Variants in PTCHD4 observed in about 807,000 individuals in gnomAD.
PTCHD4 encodes patched domain containing 4, also known as patched domain-containing protein 4.
In PTCHD4, 33 loss-of-function variants were observed where a neutral mutation model predicts 58.1. The ratio of observed to expected loss-of-function variants is 0.57; its 90% CI spans 0.43 to 0.76. PTCHD4 has a LOEUF of 0.76. Among genes scored for constraint, PTCHD4 ranks in the 30% least tolerant of loss-of-function variants. The pLI is 0.00. For missense variants in PTCHD4, 1,058 were observed against 1,027.1 expected, an observed-to-expected ratio of 1.03 and a Z score of -0.41; for synonymous variants, 478 against 409.6, an observed-to-expected ratio of 1.17 and a Z score of -2.02.
At chr6:48,022,026 G>C (rs16876932) in intron 3 of PTCHD4, among the ~76,000 whole-genome samples, 9,057 of 151,996 alleles carry the variant, frequency 0.06, 299 homozygotes, top group Non-Finnish European at 0.065. Flanking sequence ...TTTACATTTG[G>C]GAGTGAAGTT....
At chr6:48,075,383 T>A (rs1010881234) in intron 1 of PTCHD4, among the ~76,000 whole-genome samples, 1 of 152,158 alleles carries the variant, frequency 6.6e-6, no homozygotes, top group Non-Finnish European at 1.5e-5. Context: ...AGTATTTTTC[T>A]ATGGTGGAAA....
chr6:47,894,103 C>G (rs376427819), intron 4 of PTCHD4, among the ~76,000 whole-genome samples: 19 of 152,270 alleles, frequency 1.2e-4, no homozygotes, highest in East Asian at 7.7e-4. Flanking sequence ...GCCCATGGGG[C>G]AGGAAGACCC....
At chr6:47,928,997 C>CTGAGGTATAG (rs1366842429) in intron 4 of PTCHD4, among the ~76,000 whole-genome samples, 7 of 152,082 alleles carry the variant, frequency 4.6e-5, no homozygotes, top group African/African-American at 1.7e-4. Context: ...CTAGCCACAT[C>CTGAGGTATAG]TGAGGTATAG....
intron 3 of PTCHD4, among the ~76,000 whole-genome samples, chr6:48,038,809 T>A (rs2114147474): frequency 6.6e-6 from 1 of 152,272 alleles, no homozygotes; most frequent in Admixed American, 6.5e-5. Context: ...GTGGTTTCTA[T>A]TTTCTTTTGT....
intron 1 of PTCHD4, among the ~76,000 whole-genome samples, chr6:48,074,449 C>T (rs1446017304): frequency 1.3e-5 from 2 of 152,232 alleles, no homozygotes; most frequent in Non-Finnish European, 1.5e-5. Flanking sequence ...GAAGCTGCCT[C>T]AGCAATTGTG....
chr6:48,008,662 G>C lies in PTCHD4; in HGVS notation c.870C>G (p.Thr290=), dbSNP rs1762553355. The change falls in exon 4 of 5, where the codon ACC becomes ACG. Residue 290 remains threonine, a synonymous_variant. Transcript: ENST00000339488. ...TGGCGAAGAACGGGATTCCCAGCAG[G>C]GTGGAGTTGTACTTTCCATCGGTGA... ...FFITDGKYNS[T]LLGIPFFAMG... 6 of 1,613,366 alleles carry C rather than the reference G, an allele frequency of 3.7e-6. No individual in the cohort carries two copies. The highest frequency in any genetic ancestry group is 1.3e-5 in the African/African-American group (1 of 75,056).
At chr6:47,962,730 C>T (rs1395380759) in intron 4 of PTCHD4, among the ~76,000 whole-genome samples, 1 of 152,032 alleles carries the variant, frequency 6.6e-6, no homozygotes, top group Admixed American at 6.5e-5. Flanking sequence ...TTATAAATTA[C>T]CCAGTCTCGG....
intron 4 of PTCHD4, among the ~76,000 whole-genome samples, chr6:47,999,195 A>G (rs930556677): frequency 2.0e-5 from 3 of 152,220 alleles, no homozygotes; most frequent in Non-Finnish European, 4.4e-5. Context: ...ATGAGAGAGT[A>G]AGATGAAGGA....
intron 4 of PTCHD4, among the ~76,000 whole-genome samples, chr6:47,921,352 G>T (rs1765426673): frequency 6.6e-6 from 1 of 152,018 alleles, no homozygotes. Flanking sequence ...TTAATTAAAT[G>T]ATCTTATCTT....
intron 4 of PTCHD4, among the ~76,000 whole-genome samples, chr6:47,941,863 T>C (rs546809778): frequency 6.6e-6 from 1 of 152,324 alleles, no homozygotes; most frequent in African/African-American, 2.4e-5. Context: ...AATACACATT[T>C]TGATATTTCC....
At chr6:47,962,456 G>C (rs909719899) in intron 4 of PTCHD4, among the ~76,000 whole-genome samples, 1 of 152,090 alleles carries the variant, frequency 6.6e-6, no homozygotes, top group Non-Finnish European at 1.5e-5. Flanking sequence ...TAATCCCCAA[G>C]TGTCAAGGAG....
chr6:47,978,120 A>G (rs926842650), intron 4 of PTCHD4, among the ~76,000 whole-genome samples: 1 of 151,502 alleles, frequency 6.6e-6, no homozygotes, highest in Non-Finnish European at 1.5e-5. Context: ...CCTTCTCATT[A>G]TTTTTCTTCT....
intron 1 of PTCHD4, among the ~76,000 whole-genome samples, chr6:48,092,577 A>T (rs1003097977): frequency 2.6e-5 from 4 of 152,226 alleles, no homozygotes; most frequent in Non-Finnish European, 4.4e-5. Flanking sequence ...AAATGAGAAA[A>T]ATCAAATTAA....
intron 3 of PTCHD4, among the ~76,000 whole-genome samples, chr6:48,018,201 C>G (rs1041648526): frequency 6.6e-6 from 1 of 152,198 alleles, no homozygotes; most frequent in Admixed American, 6.5e-5. Flanking sequence ...CTCCTGGTTT[C>G]AAGTTCCATT....
chr6:48,043,270 A>G (rs1763909619), intron 3 of PTCHD4, among the ~76,000 whole-genome samples: 1 of 151,910 alleles, frequency 6.6e-6, no homozygotes, highest in Non-Finnish European at 1.5e-5. Context: ...TGGTTTTTCA[A>G]CAAATCTAAC....
At chr6:47,936,815 T>C (rs903224720) in intron 4 of PTCHD4, among the ~76,000 whole-genome samples, 3 of 152,184 alleles carry the variant, frequency 2.0e-5, no homozygotes, top group African/African-American at 4.8e-5. Context: ...ATATATAGTA[T>C]GTTAGCCTGT....
rs1424007516 is a variant in PTCHD4, at chr6:47,871,172, TAGG to T, written c.*7128_*7130del. On this transcript the variant is annotated 3_prime_UTR_variant, in exon 5 of 5. Transcript: ENST00000339488. ...TGCATGGGTGAAGACTGTTTCTCCC[TAGG>T]AGTTTTCTTTTCACTGATGCTAATG... Among the ~76,000 whole-genome samples, 1 of 151,660 alleles carries T rather than the reference TAGG, an allele frequency of 6.6e-6. No homozygotes were observed. The highest frequency in any genetic ancestry group is 1.5e-5 in the Non-Finnish European group (1 of 67,722).
chr6:47,979,276 T>C (rs1767797977), intron 4 of PTCHD4, among the ~76,000 whole-genome samples: 1 of 151,792 alleles, frequency 6.6e-6, no homozygotes, highest in South Asian at 2.1e-4. Context: ...TATGTATTTT[T>C]ATAAAAAGTC....
In PTCHD4 at chr6:48,002,459, G is replaced by C. The variant is rs1476894785; in HGVS notation, c.898+6175C>G. On this transcript the variant is annotated intron_variant, in intron 4 of 4. Transcript: ENST00000339488. ...AAATGATGAGTTCATGTCCTTTGTA[G>C]GGACGTGGGTGAAGCTGGAAACCAT... Among the ~76,000 whole-genome samples the C allele has an allele frequency of 2.0e-5, 3 of 151,962 alleles. No homozygotes were observed. The East Asian group carries it at 5.8e-4, about 29-fold the overall frequency.
Sources: gnomAD v4.1 joint callset for allele counts (sites outside exome capture counted in the v4.1 genomes callset) on GRCh38, gnomAD v4.1.1 for gene constraint, MANE v1.5 for transcripts, NCBI Gene and HGNC (gene_info 2026-07-23, HGNC 2026-07-21) for gene names.